Variants in NKAIN3 observed in about 807,000 individuals in gnomAD.
NKAIN3 encodes the protein sodium/potassium-transporting ATPase subunit beta-1-interacting protein 3.
In NKAIN3, 25 loss-of-function variants were observed where a neutral mutation model predicts 30.2. That is an observed-to-expected ratio of 0.83 (90% CI 0.60 to 1.16). The LOEUF is 1.16. Ranked by LOEUF, NKAIN3 falls within the 50% of genes most tolerant of loss-of-function variation. The pLI is 0.00. For synonymous variants in NKAIN3, 91 were observed against 89.6 expected, an observed-to-expected ratio of 1.02 and a Z score of -0.09; for missense variants, 225 against 254.1, an observed-to-expected ratio of 0.89 and a Z score of 0.78.
At chr8:62,345,325 A>G (rs993419327) in intron 1 of NKAIN3, among the ~76,000 whole-genome samples, 15 of 24,522 alleles carry the variant, frequency 6.1e-4, no homozygotes, top group Non-Finnish European at 2.0e-3. Context: ...ACACATATAT[A>G]CACATATATG....
chr8:62,781,439 A>G (rs148668231), intron 4 of NKAIN3, among the ~76,000 whole-genome samples: 1 of 152,010 alleles, frequency 6.6e-6, no homozygotes, highest in African/African-American at 2.4e-5. Context: ...TAAAATGTGT[A>G]TGGAATAAAA....
rs570778885 is a variant in NKAIN3, at chr8:62,549,229, G to A, written c.55-30310G>A. Among the ~76,000 whole-genome samples, 7 of 152,220 alleles carry A rather than the reference G, an allele frequency of 4.6e-5. No individual in the cohort carries two copies. The East Asian group carries it at 1.4e-3, about 29-fold the overall frequency. ...TAATATTTTCTCACCCAGGCACTCA[G>A]TAAAATGAGTAATAGTCTGTCAGTA... On this transcript the variant is annotated intron_variant, in intron 1 of 6. Transcript: ENST00000623646.
intron 1 of NKAIN3, among the ~76,000 whole-genome samples, chr8:62,264,523 T>A (rs1812548290): frequency 6.6e-6 from 1 of 152,214 alleles, no homozygotes; most frequent in African/African-American, 2.4e-5. Context: ...CACTTGGTTC[T>A]CAAGCTTCCT....
intron 3 of NKAIN3, among the ~76,000 whole-genome samples, chr8:62,608,067 G>A (rs536083952): frequency 3.3e-4 from 50 of 152,252 alleles, no homozygotes; most frequent in African/African-American, 1.2e-3. Flanking sequence ...CTCCTTATGT[G>A]TGTCATTGTT....
intron 1 of NKAIN3, among the ~76,000 whole-genome samples, chr8:62,353,941 T>A (rs1816264807): frequency 6.6e-6 from 1 of 152,226 alleles, no homozygotes; most frequent in African/African-American, 2.4e-5. Context: ...TACATTTTAA[T>A]GGCTCCTTAA....
intron 4 of NKAIN3, among the ~76,000 whole-genome samples, chr8:62,845,662 T>A (rs1317509892): frequency 6.6e-6 from 1 of 152,090 alleles, no homozygotes; most frequent in Non-Finnish European, 1.5e-5. Flanking sequence ...GACATTCACA[T>A]AATAGGCCAT....
chr8:62,730,144 T>C (rs979188800), intron 3 of NKAIN3, among the ~76,000 whole-genome samples: 2 of 152,190 alleles, frequency 1.3e-5, no homozygotes, highest in Non-Finnish European at 2.9e-5. Flanking sequence ...TATTTTTAAT[T>C]ATTTTCTGCT....
In NKAIN3 at chr8:62,579,638, T is replaced by C. The variant is rs1485526959; in HGVS notation, c.154T>C (p.Phe52Leu). 3.7e-6 allele frequency: 6 copies of C among 1,609,002 alleles called. No homozygotes were observed. Among genetic ancestry groups the C allele is most frequent in the Non-Finnish European group, 4.2e-6 (5 of 1,176,602 alleles). Reference protein sequence around the residue: ...LHIIVVILGLFGTIQYRPRYI... With the variant: ...LHIIVVILGLLGTIQYRPRYI... ...CATAATAGTTGTCATATTGGGTTTG[T>C]TTGGGACCATTCAGTACAGACCTCG... Residue 52 changes from phenylalanine (F) to leucine (L), a missense_variant, in exon 2 of 7, where the codon TTT becomes CTT. Coordinates refer to ENST00000623646, the MANE Select transcript of NKAIN3 (RefSeq NM_001304533.3).
chr8:62,648,223 G>T (rs1041796439), intron 3 of NKAIN3, among the ~76,000 whole-genome samples: 1 of 98,066 alleles, frequency 1.0e-5, no homozygotes, highest in Non-Finnish European at 2.3e-5. Context: ...GTGTAGATCC[G>T]TGGATCTGGA....
rs182143719 is a variant in NKAIN3, at chr8:62,975,760, T to A, written c.*10353T>A. 6.6e-6 allele frequency among the ~76,000 whole-genome samples: 1 copy of A among 152,324 alleles called. No homozygotes were observed. The highest frequency in any genetic ancestry group is 6.5e-5 in the Admixed American group (1 of 15,296). On this transcript the variant is annotated 3_prime_UTR_variant, in exon 7 of 7. Coordinates refer to ENST00000623646, the MANE Select transcript of NKAIN3 (RefSeq NM_001304533.3). ...TTTAATTGTGATGTTAGCGTGTTGATTGTAGATGTTTAGATTTTAGATGTT... is the reference window on the plus strand; with the variant it reads ...TTTAATTGTGATGTTAGCGTGTTGAATGTAGATGTTTAGATTTTAGATGTT...
At chr8:62,583,227 A>T (rs1290296301) in intron 2 of NKAIN3, among the ~76,000 whole-genome samples, 1 of 152,022 alleles carries the variant, frequency 6.6e-6, no homozygotes. Context: ...CCATGATGAA[A>T]CTGCTGTCAC....
At chr8:62,756,477 A>G (rs537669963) in intron 4 of NKAIN3, among the ~76,000 whole-genome samples, 1 of 152,286 alleles carries the variant, frequency 6.6e-6, no homozygotes, top group South Asian at 2.1e-4. Flanking sequence ...ATATATGTAT[A>G]ATATTTAGCA....
intron 1 of NKAIN3, among the ~76,000 whole-genome samples, chr8:62,338,604 A>G (rs1007784603): frequency 2.0e-5 from 3 of 151,958 alleles, no homozygotes; most frequent in Non-Finnish European, 4.4e-5. Flanking sequence ...GTATATATAT[A>G]GAGAGAGGGG....
Position 62,344,137 on chromosome 8 carries a change from G to A in NKAIN3, c.54+95010G>A, listed in dbSNP as rs147857565. On this transcript the variant is annotated intron_variant, in intron 1 of 6. Transcript: ENST00000623646. ...GTGGAGGGTTATTGTGGCTTCTGGGGCAACACAGTGCTGGAGCTGGACTTT... is the reference window on the plus strand; with the variant it reads ...GTGGAGGGTTATTGTGGCTTCTGGGACAACACAGTGCTGGAGCTGGACTTT... 3.8e-3 allele frequency among the ~76,000 whole-genome samples: 578 copies of A among 152,042 alleles called. 2 individuals are homozygous for A. Among genetic ancestry groups the A allele is most frequent in the African/African-American group, 0.013 (543 of 41,508 alleles).
At position 62,450,068 on chromosome 8, in the gene NKAIN3, GC is replaced by G. The variant is rs371295547; in HGVS notation, c.55-129470del. The stretch of plus-strand genomic sequence containing the variant: ...TAAGCTAAAGAAAGTTATAGCTTTT[GC>G]TAAAAACATACATAAGGATATTGGC... On this transcript the variant is annotated intron_variant, in intron 1 of 6. Transcript: ENST00000623646. Among the ~76,000 whole-genome samples, 35 of 152,206 alleles carry G rather than the reference GC, an allele frequency of 2.3e-4. 1 individual carries two copies. In the East Asian group the frequency reaches 6.0e-3, roughly 26 times the overall value.
intron 4 of NKAIN3, among the ~76,000 whole-genome samples, chr8:62,896,910 G>A (rs193093033): frequency 1.1e-4 from 17 of 152,248 alleles, no homozygotes; most frequent in African/African-American, 3.6e-4. Flanking sequence ...AATTAAGCAA[G>A]GAATGAAAAA....
At position 62,910,266 on chromosome 8, in the gene NKAIN3, A is replaced by G. The variant is rs188420776; in HGVS notation, c.472-8187A>G. On this transcript the variant is annotated intron_variant, in intron 4 of 6. Coordinates refer to ENST00000623646, the MANE Select transcript of NKAIN3 (RefSeq NM_001304533.3). ...ATTATAAGAAAGAAATATAAGTTAC[A>G]TAGAACTTAAGTAAACACATATTTC... is the stretch of plus-strand genomic sequence containing the variant. Among the ~76,000 whole-genome samples the G allele has an allele frequency of 2.4e-3, 361 of 152,304 alleles. 3 individuals are homozygous for G. The highest frequency in any genetic ancestry group is 7.1e-3 in the African/African-American group (295 of 41,586).
chr8:62,469,792 G>A (rs1806274910), intron 1 of NKAIN3, among the ~76,000 whole-genome samples: 1 of 152,144 alleles, frequency 6.6e-6, no homozygotes, highest in African/African-American at 2.4e-5. Flanking sequence ...AGATTGCAGT[G>A]TACAGTAAAA....
intron 1 of NKAIN3, among the ~76,000 whole-genome samples, chr8:62,415,749 A>AATTATTATTATTATTATTATT (rs35191559): frequency 6.1e-5 from 9 of 148,694 alleles, no homozygotes; most frequent in African/African-American, 2.2e-4. Context: ...TTTTATTAAG[A>AATTATTATTATTATTATTATT]ATTATTATTA....
Sources: gnomAD v4.1 joint callset for allele counts (sites outside exome capture counted in the v4.1 genomes callset) on GRCh38, gnomAD v4.1.1 for gene constraint, MANE v1.5 for transcripts, NCBI Gene and HGNC (gene_info 2026-07-23, HGNC 2026-07-21) for gene names.